Variants in ST7L observed in about 807,000 individuals in gnomAD.
ST7L encodes suppression of tumorigenicity 7 like.
ST7L carries 57 observed loss-of-function variants against 72.5 expected under a neutral mutation model. That is an observed-to-expected ratio of 0.79 (90% CI 0.64 to 0.98). The LOEUF is 0.98. ST7L is among the 50% of genes least tolerant of loss of function. ST7L has a pLI of 0.00. For synonymous variants in ST7L, 221 were observed against 240.9 expected (o/e 0.92, Z 0.77); for missense variants, 576 against 672.2 (o/e 0.86, Z 1.58).
rs1558018532 is a variant in ST7L at position 112,584,000 on chromosome 1, GTGCTGGCACTGCTGTGACTGCCTATAAAT to G, written c.799_827del (p.Ile267ProfsTer6). The G allele has an allele frequency of 6.2e-7, 1 of 1,614,034 alleles. No homozygotes were observed. On this transcript the variant is annotated frameshift_variant, in exon 7 of 15. Coordinates refer to ENST00000358039, the MANE Select transcript of ST7L (RefSeq NM_017744.5). LOFTEE classifies it high-confidence loss of function. ...GTTGAGCTTCATGCTGAGGACTTTG[GTGCTGGCACTGCTGTGACTGCCTATAAAT>G]TGTTTCTCCTGCCTTGAGTGCCTGT...
At chr1:112,573,256 G>A (rs1056970658) in intron 11 of ST7L, among the ~76,000 whole-genome samples, 8 of 149,888 alleles carry the variant, frequency 5.3e-5, no homozygotes, top group Admixed American at 4.7e-4. Context: ...GCTGAGGCAG[G>A]AGAATCACCT....
chr1:112,618,160 G>A lies in ST7L; in HGVS notation c.205+749C>T, dbSNP rs1670230174. ...TGAGTGAAATATAATCACATGGTAA[G>A]GGGACCTGGGCCCTAAACACTTCAT... On this transcript the variant is annotated intron_variant, in intron 1 of 14. Transcript: ENST00000358039. 4.8e-6 allele frequency: 6 copies of A among 1,258,960 alleles called. No individual in the cohort carries two copies. In the South Asian group the frequency reaches 6.6e-5, roughly 14 times the overall value. The allele number at this position is 1,258,960 out of a possible 1,614,324, so 78.0% of individuals were successfully genotyped here. A position where few individuals can be genotyped will look rare whatever the true frequency, so the allele number is the denominator to read the frequency against.
intron 5 of ST7L, among the ~76,000 whole-genome samples, chr1:112,593,872 AACT>A (rs1365174874): frequency 6.6e-6 from 1 of 152,190 alleles, no homozygotes; most frequent in Non-Finnish European, 1.5e-5. Flanking sequence ...CTGAAAATAA[AACT>A]ACTGATATAA....
chr1:112,547,189 CTTTCTTTT>C (rs1223162804), intron 13 of ST7L, among the ~76,000 whole-genome samples: 30 of 145,818 alleles, frequency 2.1e-4, no homozygotes, highest in African/African-American at 7.6e-4. Context: ...AGCTTTCTTT[CTTTCTTTT>C]TTTTTTTTTT....
intron 14 of ST7L, chr1:112,528,651 T>G (rs1209302010): frequency 3.3e-5 from 5 of 152,214 alleles, no homozygotes; most frequent in Non-Finnish European, 1.5e-5. Flanking sequence ...GAACCTGGCA[T>G]AAATCAAGCC....
At chr1:112,602,083 CAAAAAAAAAAAA>C (rs71584754) in intron 3 of ST7L, among the ~76,000 whole-genome samples, 32,130 of 89,434 alleles carry the variant, frequency 0.36, 3,862 homozygotes, top group Middle Eastern at 0.45. Context: ...AAACTCCATC[CAAAAAAAAAAAA>C]AAAAAAAAGA....
At chr1:112,599,073 A>AAAATATATAT (rs1190968815) in intron 4 of ST7L, among the ~76,000 whole-genome samples, 4 of 56,994 alleles carry the variant, frequency 7.0e-5, no homozygotes, top group African/African-American at 2.7e-4. Context: ...AAAAAAAAAA[A>AAAATATATAT]ATATATATAT....
At chr1:112,548,941 A>G (rs1252926595) in intron 13 of ST7L, among the ~76,000 whole-genome samples, 1 of 152,026 alleles carries the variant, frequency 6.6e-6, no homozygotes, top group Non-Finnish European at 1.5e-5. Context: ...GTTCTTCTTC[A>G]TAAAGATTGT....
intron 14 of ST7L, chr1:112,529,542 T>C (rs1198658315): frequency 1.3e-5 from 2 of 152,152 alleles, no homozygotes; most frequent in Admixed American, 1.3e-4. Context: ...ATTTCAATAC[T>C]CATAAAATAT....
At chr1:112,534,538 A>G (rs2101253993) in intron 14 of ST7L, among the ~76,000 whole-genome samples, 1 of 152,334 alleles carries the variant, frequency 6.6e-6, no homozygotes, top group African/African-American at 2.4e-5. Flanking sequence ...TAGAATTGTA[A>G]TATATTATGT....
chr1:112,600,046 A>AT (rs937011956), intron 4 of ST7L, among the ~76,000 whole-genome samples: 7 of 148,474 alleles, frequency 4.7e-5, no homozygotes, highest in South Asian at 2.1e-4. Flanking sequence ...TCTACCAAAA[A>AT]TTTTTTTTTT....
At chr1:112,577,333 A>T (rs1172924979) in intron 10 of ST7L, among the ~76,000 whole-genome samples, 1 of 151,652 alleles carries the variant, frequency 6.6e-6, no homozygotes, top group Non-Finnish European at 1.5e-5. Context: ...GTTAGAGACC[A>T]GCCTGACCAA....
At chr1:112,607,281 T>C (rs1259449010) in intron 3 of ST7L, 1 of 152,036 alleles carries the variant, frequency 6.6e-6, no homozygotes, top group East Asian at 1.9e-4. Flanking sequence ...GGCCTAGATA[T>C]GGGGCTATGA....
chr1:112,600,623 T>C (rs933038482), intron 4 of ST7L, among the ~76,000 whole-genome samples, 171 bp downstream of exon 4: 3 of 151,568 alleles, frequency 2.0e-5, no homozygotes, highest in African/African-American at 7.3e-5. Flanking sequence ...AAAAAAAAAG[T>C]AAACACAGTG....
chr1:112,548,893 G>A (rs1657609095), intron 13 of ST7L, among the ~76,000 whole-genome samples: 1 of 152,120 alleles, frequency 6.6e-6, no homozygotes, highest in Non-Finnish European at 1.5e-5. Context: ...CATATTTCCG[G>A]TTCTCCTTCT....
downstream of ST7L, chr1:112,520,714 G>A: frequency 1.7e-6 from 1 of 602,940 alleles, no homozygotes; most frequent in Non-Finnish European, 2.9e-6. Context: ...AAGAAACTGA[G>A]CAAGCTCCCT....
At position 112,524,249 on chromosome 1, in the gene ST7L, A is replaced by G. The variant is rs1412441827; in HGVS notation, c.*1764T>C. The G allele has an allele frequency of 6.6e-6, 1 of 152,570 alleles. No individual in the cohort carries two copies. The highest frequency in any genetic ancestry group is 1.9e-4 in the East Asian group (1 of 5,196). The allele number at this position is 152,570 out of a possible 1,614,324, so 9.5% of individuals were successfully genotyped here. A position where few individuals can be genotyped will look rare whatever the true frequency, so the allele number is the denominator to read the frequency against. ...ATGGCTTAACAGAAGAGAGATAATT[A>G]GGATTTTTTTTTCCTCAGTCTTTCT... On this transcript the variant is annotated 3_prime_UTR_variant, in exon 15 of 15. Transcript: ENST00000358039.
downstream of ST7L, chr1:112,521,122 ACATT>A (rs1416848209): frequency 6.5e-6 from 1 of 152,856 alleles, no homozygotes; most frequent in Non-Finnish European, 1.5e-5. Flanking sequence ...ATACAAACAC[ACATT>A]CATTCTCTCT....
intron 13 of ST7L, among the ~76,000 whole-genome samples, chr1:112,547,561 CTTT>C (rs59755766): frequency 9.7e-5 from 6 of 61,982 alleles, no homozygotes; most frequent in Non-Finnish European, 1.8e-4. Context: ...TCTTTGTCAT[CTTT>C]TTTTTTTTTT....
Sources: allele counts gnomAD v4.1 joint callset (sites outside exome capture counted in the v4.1 genomes callset), GRCh38; gene constraint gnomAD v4.1.1; transcripts MANE v1.5; gene names NCBI Gene and HGNC (gene_info 2026-07-23, HGNC 2026-07-21).